Variants in MMP14 observed in about 807,000 individuals in gnomAD.
MMP14 encodes the protein matrix metalloproteinase-14.
A neutral mutation model predicts 64.8 loss-of-function variants in MMP14; 13 were observed. The ratio of observed to expected loss-of-function variants is 0.20; its 90% CI spans 0.13 to 0.32. The LOEUF is 0.32. MMP14 is among the 10% of genes least tolerant of loss of function. The pLI is 1.00. For missense variants in MMP14, 594 were observed against 783.8 expected (o/e 0.76, Z 2.89); for synonymous variants, 322 against 315.9 (o/e 1.02, Z -0.20).
In MMP14 at chr14:22,842,556, A is replaced by G; in HGVS notation, c.527A>G (p.Asp176Gly). The change falls in exon 4 of 10, where the codon GAC (aspartate) becomes GGC (glycine). Residue 176 changes from aspartate to glycine, a missense_variant. By Grantham distance (94) the Asp-to-Gly change is moderately conservative. Around this residue, in one of 4 missense-constraint regions of MMP14, gnomAD observed 179 missense variants for 283.4 expected, o/e 0.63. Coordinates refer to ENST00000311852, the MANE Select transcript of MMP14 (RefSeq NM_004995.4). The surrounding 1 kb of genome is among the most constrained non-coding windows in gnomAD (Gnocchi z 5.3). ...YIREGHEKQA[D>G]IMIFFAEGFH... ...CGTGAGGGCCATGAGAAGCAGGCCG[A>G]CATCATGATCTTCTTTGCCGAGGGC... 6.2e-7 allele frequency: 1 copy of G among 1,614,168 alleles called. No individual in the cohort carries two copies. The highest frequency in any genetic ancestry group is 8.5e-7 in the Non-Finnish European group (1 of 1,180,010).
At position 22,844,526 on chromosome 14, in the gene MMP14, C is replaced by T. The variant is rs776688180; in HGVS notation, c.1150+17C>T. 5.6e-6 allele frequency: 9 copies of T among 1,613,964 alleles called. No homozygotes were observed. The South Asian group carries it at 8.8e-5, about 16-fold the overall frequency. ...TCTTCAAAGGTAACCAGGCACTCCA[C>T]TTTAGTCTTTGGGAGTGAGGCGGGT... On this transcript the variant is annotated intron_variant, in intron 7 of 9. Coordinates refer to ENST00000311852, the MANE Select transcript of MMP14 (RefSeq NM_004995.4).
In MMP14 at chr14:22,842,427, C is replaced by T. The variant is rs1401166926; in HGVS notation, c.398C>T (p.Pro133Leu). ...GACCTCAGCATCCAGAATTACACCC[C>T]CAAGGTGGGCGAGTATGCCACATAC... is the stretch of plus-strand genomic sequence containing the variant. ...EITFCIQNYT[P>L]KVGEYATYEA... The change falls in exon 4 of 10, where the codon CCC becomes CTC. Residue 133 changes from proline to leucine, a missense_variant. Physicochemically the swap from Pro to Leu is moderately conservative, Grantham distance 98. Transcript: ENST00000311852. This position sits in a 1 kb window ranked among gnomAD's most constrained non-coding sequence, Gnocchi z 5.3. 3 of 1,612,844 alleles carry T rather than the reference C, an allele frequency of 1.9e-6. No individual in the cohort carries two copies. Among genetic ancestry groups the T allele is most frequent in the Non-Finnish European group, 2.5e-6 (3 of 1,179,308 alleles).
Position 22,845,850 on chromosome 14 carries a change from G to T in MMP14, c.1560G>T (p.Glu520Asp). 1.2e-6 allele frequency: 2 copies of T among 1,614,186 alleles called. No individual in the cohort carries two copies. The highest frequency in any genetic ancestry group is 1.7e-6 in the Non-Finnish European group (2 of 1,180,044). ...GCCGGCCGGATGAGGGGACTGAGGAGGAGACGGAGGTGATCATCATTGAGG... is the reference window on the plus strand; with the variant it reads ...GCCGGCCGGATGAGGGGACTGAGGATGAGACGGAGGTGATCATCATTGAGG... ...SGGRPDEGTE[E>D]ETEVIIIEVD... Residue 520 changes from glutamate (E) to aspartate (D), a missense_variant, in exon 10 of 10, where the codon GAG (glutamate) becomes GAT (aspartate). Glu to Asp is a conservative substitution (Grantham distance 45, BLOSUM62 2). Coordinates refer to ENST00000311852, the MANE Select transcript of MMP14 (RefSeq NM_004995.4).
In MMP14 at chr14:22,843,225, GGCT is replaced by G; in HGVS notation, c.689-28_689-26del. 1.9e-6 allele frequency: 3 copies of G among 1,593,872 alleles called. No homozygotes were observed. Among genetic ancestry groups the G allele is most frequent in the Non-Finnish European group, 2.6e-6 (3 of 1,165,784 alleles). On this transcript the variant is annotated intron_variant, in intron 4 of 9. Transcript: ENST00000311852. The surrounding 1 kb of genome is among the most constrained non-coding windows in gnomAD (Gnocchi z 4.8). ...CAGGGAGGCTGAGGGAAGGGACTCA[GGCT>G]GCTATCGTCACTGTCCCCATCCTTC...
At chr14:22,841,755 C>A in intron 2 of MMP14, 116 bp downstream of exon 2, 1 of 1,546,462 alleles carries the variant, frequency 6.5e-7, no homozygotes, top group Non-Finnish European at 8.8e-7. Flanking sequence ...ATCTCATCCC[C>A]ACGTGCTGAT....
In MMP14 at chr14:22,844,329, C is replaced by T. The variant is rs768670993; in HGVS notation, c.1012-42C>T. ...TGGGGACTGAACCAGAGACCTAGGC[C>T]GCAAGACATAATGGACTTTTCCTGC... On this transcript the variant is annotated intron_variant, in intron 6 of 9. Transcript: ENST00000311852. The T allele has an allele frequency of 4.3e-6, 7 of 1,609,912 alleles. No individual in the cohort carries two copies. The East Asian group carries it at 6.7e-5, about 15-fold the overall frequency.
rs1342717369 is a variant in MMP14 at position 22,847,147 on chromosome 14, G to C, written c.*1108G>C. Reference sequence around the variant, plus strand: ...CCAGGCAGCGTGGAGGGGAAGGGTAGGGCAGCCAGAGAAAGGAGCAGAGAA... The same window carrying C: ...CCAGGCAGCGTGGAGGGGAAGGGTACGGCAGCCAGAGAAAGGAGCAGAGAA... On this transcript the variant is annotated 3_prime_UTR_variant, in exon 10 of 10. Transcript: ENST00000311852. 6.5e-6 allele frequency: 1 copy of C among 152,758 alleles called. No individual in the cohort carries two copies. 9.5% of individuals were successfully genotyped at this position (152,758 alleles called of 1,614,324 possible). A position where few individuals can be genotyped will look rare whatever the true frequency, so the allele number is the denominator to read the frequency against.
chr14:22,841,356 T>C, intron 1 of MMP14, 135 bp from the exon 2 acceptor site: 1 of 1,154,784 alleles, frequency 8.7e-7, no homozygotes, highest in South Asian at 1.5e-5. Flanking sequence ...CCTCCAGACC[T>C]GCTGCCGGAG....
intron 1 of MMP14, among the ~76,000 whole-genome samples, chr14:22,840,787 G>A: frequency 6.6e-6 from 1 of 152,160 alleles, no homozygotes; most frequent in South Asian, 2.1e-4. Context: ...TGGGATTACA[G>A]GTGTGAGCCA....
chr14:22,838,285 T>C (rs1317605536), intron 1 of MMP14, among the ~76,000 whole-genome samples: 1 of 152,168 alleles, frequency 6.6e-6, no homozygotes, highest in Non-Finnish European at 1.5e-5. Flanking sequence ...TCTGGGGAGC[T>C]GCCGACCGCC....
At chr14:22,841,811 C>T in intron 2 of MMP14, 102 bp from the exon 3 acceptor site, 1 of 1,553,370 alleles carries the variant, frequency 6.4e-7, no homozygotes, top group Non-Finnish European at 8.7e-7. Context: ...TTGGCCTTTC[C>T]CCACATTGAC....
Position 22,842,565 on chromosome 14 carries a change from T to C in MMP14, c.536T>C (p.Ile179Thr). Residue 179 changes from isoleucine (I) to threonine (T), a missense_variant, in exon 4 of 10, where the codon ATC becomes ACC. Ile to Thr is a moderately conservative substitution (Grantham distance 89). Coordinates refer to ENST00000311852, the MANE Select transcript of MMP14 (RefSeq NM_004995.4). The surrounding 1 kb of genome is among the most constrained non-coding windows in gnomAD (Gnocchi z 5.3). ...CATGAGAAGCAGGCCGACATCATGA[T>C]CTTCTTTGCCGAGGGCTTCCATGGC... ...EGHEKQADIM[I>T]FFAEGFHGDS... 1 of 1,614,156 alleles carries C rather than the reference T, an allele frequency of 6.2e-7. No homozygotes were observed. The highest frequency in any genetic ancestry group is 8.5e-7 in the Non-Finnish European group (1 of 1,180,022).
chr14:22,837,071 T>G, intron 1 of MMP14, 146 bp downstream of exon 1: 1 of 715,066 alleles, frequency 1.4e-6, no homozygotes, highest in Non-Finnish European at 2.5e-6. Flanking sequence ...CCTTTCTTTT[T>G]CCTCTTCGTC....
At chr14:22,841,339 G>C (rs1188772648) in intron 1 of MMP14, 152 bp from the exon 2 acceptor site, 7 of 958,430 alleles carry the variant, frequency 7.3e-6, no homozygotes, top group Non-Finnish European at 9.3e-6. Flanking sequence ...GGTCTAGCCT[G>C]GGAGTTCCTC....
chr14:22,836,598 C>T lies in MMP14; in HGVS notation c.-220C>T, dbSNP rs1351733532. The T allele has an allele frequency of 3.2e-5, 15 of 462,806 alleles. No homozygotes were observed. The East Asian group carries it at 4.2e-4, about 13-fold the overall frequency. 28.7% of individuals were successfully genotyped at this position (462,806 alleles called of 1,614,324 possible). On this transcript the variant is annotated 5_prime_UTR_variant, in exon 1 of 10. Transcript: ENST00000311852. ...AGAGAGGGAACCAGACCCCAGTTCG[C>T]CGACTAAGCAGAAGAAAGATCAAAA...
Position 22,844,431 on chromosome 14 carries a change from G to T in MMP14, c.1072G>T (p.Gly358Cys). Reference sequence around the variant, plus strand: ...GATGGATGGATACCCAATGCCCATTGGCCAGTTCTGGCGGGGCCTGCCTGC... The same window carrying T: ...GATGGATGGATACCCAATGCCCATTTGCCAGTTCTGGCGGGGCCTGCCTGC... ...QVMDGYPMPIGQFWRGLPASI... is the reference protein window; with the variant it reads ...QVMDGYPMPICQFWRGLPASI... The change falls in exon 7 of 10, where the codon GGC becomes TGC. Residue 358 changes from glycine (G) to cysteine (C), a missense_variant. By Grantham distance (159) the Gly-to-Cys change is radical. This residue lies in a region of MMP14 where 364 missense variants were observed against 425.2 expected (regional missense o/e 0.86). Coordinates refer to ENST00000311852, the MANE Select transcript of MMP14 (RefSeq NM_004995.4). 1 of 1,614,098 alleles carries T rather than the reference G, an allele frequency of 6.2e-7. No homozygotes were observed. Among genetic ancestry groups the T allele is most frequent in the Non-Finnish European group, 8.5e-7 (1 of 1,180,000 alleles).
At chr14:22,845,214 C>T (rs766701054) in intron 8 of MMP14, 37 bp from the exon 9 acceptor site, 22 of 1,495,870 alleles carry the variant, frequency 1.5e-5, no homozygotes, top group Non-Finnish European at 2.0e-5. Flanking sequence ...AGGACATGCC[C>T]AGTGTCCGCC....
chr14:22,837,561 G>T (rs943419167), intron 1 of MMP14: 2 of 359,532 alleles, frequency 5.6e-6, no homozygotes, highest in Non-Finnish European at 1.1e-5. Context: ...CGCTGGCCGC[G>T]TTTCCGTACA....
chr14:22,844,608 G>A (rs371092773), intron 7 of MMP14, 22 bp from the exon 8 acceptor site: 74 of 1,613,862 alleles, frequency 4.6e-5, no homozygotes, highest in East Asian at 2.0e-4. Flanking sequence ...GAACCCAGAC[G>A]TTGCCCTCCT....
Sources: allele counts gnomAD v4.1 joint callset (sites outside exome capture counted in the v4.1 genomes callset), GRCh38; gene constraint gnomAD v4.1.1; regional missense constraint gnomAD v4.1.1; non-coding constraint Gnocchi (gnomAD v3.1); transcripts MANE v1.5; gene names NCBI Gene and HGNC (gene_info 2026-07-23, HGNC 2026-07-21).